GSPT1: variants seen among roughly 807,000 people sequenced by gnomAD.
GSPT1 encodes eukaryotic peptide chain release factor GTP-binding subunit ERF3A.
GSPT1 carries 20 observed loss-of-function variants against 72.5 expected under a neutral mutation model. The observed-to-expected ratio is 0.28, with a 90% CI of 0.19 to 0.40. GSPT1 has a LOEUF of 0.40. Among genes scored for constraint, GSPT1 ranks in the 10% least tolerant of loss-of-function variants. The probability of loss-of-function intolerance (pLI) is 1.00; values close to 1 mark genes in which losing one functional copy is unlikely to be tolerated. For missense variants in GSPT1, 580 were observed against 811.9 expected (o/e 0.71, Z 3.47); for synonymous variants, 334 against 293.5 (o/e 1.14, Z -1.41).
chr16:11,903,257 T>C (rs1295241491), intron 1 of GSPT1, among the ~76,000 whole-genome samples: 2 of 152,012 alleles, frequency 1.3e-5, no homozygotes, highest in Non-Finnish European at 2.9e-5. Flanking sequence ...ATGACTATAA[T>C]CCCAGCACTT....
intron 4 of GSPT1, chr16:11,895,291 C>T (rs944091529): frequency 1.8e-4 from 38 of 208,774 alleles, no homozygotes; most frequent in African/African-American, 8.5e-4. Context: ...ATTAGCTAGG[C>T]GTGGTGGCGG....
chr16:11,876,245 C>T, intron 12 of GSPT1, 70 bp from the exon 13 acceptor site: 2 of 941,426 alleles, frequency 2.1e-6, no homozygotes, highest in Non-Finnish European at 1.7e-6. Flanking sequence ...TCTCAAGCGC[C>T]ATATAAATCC....
intron 14 of GSPT1, among the ~76,000 whole-genome samples, chr16:11,875,027 A>T (rs576437719): frequency 3.3e-5 from 5 of 152,166 alleles, no homozygotes; most frequent in Middle Eastern, 3.4e-3. Flanking sequence ...CCGTCTCTAC[A>T]AAAATACAAA....
Position 11,877,059 on chromosome 16 carries a change from G to A in GSPT1, c.1602+348C>T, listed in dbSNP as rs917904018. The stretch of plus-strand genomic sequence containing the variant: ...GGAAACCTGTGTGATTTCTTGTCTG[G>A]AAAGCTATGTGCTGTCAATGAGCAC... On this transcript the variant is annotated intron_variant, in intron 12 of 14. Coordinates refer to ENST00000434724, the MANE Select transcript of GSPT1 (RefSeq NM_002094.4). This position sits in a 1 kb window ranked among gnomAD's most constrained non-coding sequence, Gnocchi z 4.0. Among the ~76,000 whole-genome samples the A allele has an allele frequency of 4.2e-4, 64 of 152,192 alleles. No homozygotes were observed. Among genetic ancestry groups the A allele is most frequent in the Non-Finnish European group, 9.0e-4 (61 of 68,040 alleles).
chr16:11,901,874 T>C (rs184406734), intron 1 of GSPT1, among the ~76,000 whole-genome samples: 1 of 151,622 alleles, frequency 6.6e-6, no homozygotes, highest in African/African-American at 2.4e-5. Flanking sequence ...GGCGGGCGGA[T>C]CACCTGAGGT....
At chr16:11,892,229 G>C (rs1376781163) in intron 5 of GSPT1, among the ~76,000 whole-genome samples, 1 of 151,768 alleles carries the variant, frequency 6.6e-6, no homozygotes, top group East Asian at 2.0e-4. Flanking sequence ...TGTATTCCTA[G>C]CTACTTGGGA....
chr16:11,903,218 A>C (rs894137890), intron 1 of GSPT1, among the ~76,000 whole-genome samples: 1 of 152,040 alleles, frequency 6.6e-6, no homozygotes, highest in African/African-American at 2.4e-5. Context: ...TTAACTATCA[A>C]TCCAGTTTCA....
intron 11 of GSPT1, among the ~76,000 whole-genome samples, chr16:11,879,050 T>A (rs1386881139): frequency 6.7e-6 from 1 of 149,848 alleles, no homozygotes; most frequent in Non-Finnish European, 1.5e-5. Context: ...TACTCCAGCC[T>A]GGGCAATAAG....
Position 11,915,748 on chromosome 16 carries a change from CAGAG to C in GSPT1, c.-32_-29del. The C allele has an allele frequency of 1.3e-6, 2 of 1,544,876 alleles. No individual in the cohort carries two copies. The highest frequency in any genetic ancestry group is 1.7e-6 in the Non-Finnish European group (2 of 1,152,054). ...TCGGGGGGGCCGTGTGTGTGGTGGACAGAGAGCGGGAAATGGAGGCAGGGGCGCC... is the reference window on the plus strand; with the variant it reads ...TCGGGGGGGCCGTGTGTGTGGTGGACAGCGGGAAATGGAGGCAGGGGCGCC... On this transcript the variant is annotated 5_prime_UTR_variant, in exon 1 of 15. Coordinates refer to ENST00000434724, the MANE Select transcript of GSPT1 (RefSeq NM_002094.4).
chr16:11,891,033 T>A (rs2054252035), intron 6 of GSPT1, 29 bp downstream of exon 6: 1 of 997,966 alleles, frequency 1.0e-6, no homozygotes, highest in East Asian at 2.6e-5. Context: ...TTAAAAGTAA[T>A]TTATAAGTGT....
chr16:11,894,634 T>A (rs180979021), intron 5 of GSPT1, among the ~76,000 whole-genome samples: 8 of 152,246 alleles, frequency 5.3e-5, no homozygotes, highest in Non-Finnish European at 1.2e-4. Context: ...AATAATCACA[T>A]TACAAAAACT....
chr16:11,887,083 A>T (rs1252606580), intron 7 of GSPT1, 152 bp from the exon 8 acceptor site: 6 of 587,364 alleles, frequency 1.0e-5, no homozygotes, highest in Non-Finnish European at 1.5e-5. Flanking sequence ...CTGCTTTTGA[A>T]TGTCACAAAT....
intron 1 of GSPT1, among the ~76,000 whole-genome samples, chr16:11,898,441 CTTTTTTTTTTTT>C (rs5815660): frequency 9.3e-6 from 1 of 107,074 alleles, no homozygotes; most frequent in Non-Finnish European, 1.9e-5. Flanking sequence ...GTGATTAGCC[CTTTTTTTTTTTT>C]TTTTTTTTTG....
intron 1 of GSPT1, chr16:11,908,869 G>A (rs2054523023): frequency 6.6e-6 from 1 of 152,204 alleles, no homozygotes; most frequent in Non-Finnish European, 1.5e-5. Context: ...AGAATCGCTT[G>A]AACCCGGGAG....
At chr16:11,887,458 C>T in intron 7 of GSPT1, 112 bp downstream of exon 7, 2 of 820,462 alleles carry the variant, frequency 2.4e-6, no homozygotes, top group Non-Finnish European at 4.0e-6. Flanking sequence ...CCGTGTACAT[C>T]ATTATATTTC....
chr16:11,907,391 T>G (rs1048656969), intron 1 of GSPT1, among the ~76,000 whole-genome samples: 1 of 152,240 alleles, frequency 6.6e-6, no homozygotes, highest in African/African-American at 2.4e-5. Context: ...TTTTCTCATC[T>G]GTAAAATGGG....
rs2054152898 is a variant in GSPT1, at chr16:11,883,684, G to A, written c.1348-589C>T. Among the ~76,000 whole-genome samples the A allele has an allele frequency of 2.0e-5, 3 of 151,792 alleles. No homozygotes were observed. In the South Asian group the frequency reaches 6.2e-4, roughly 32 times the overall value. ...AATCCCAGCACTTTGGGAGGCCGAAGCGGGTGGATCACAAGATCAGGAAAT... is the reference window on the plus strand; with the variant it reads ...AATCCCAGCACTTTGGGAGGCCGAAACGGGTGGATCACAAGATCAGGAAAT... On this transcript the variant is annotated intron_variant, in intron 10 of 14. Transcript: ENST00000434724.
rs57226427 is a variant in GSPT1 at position 11,894,155 on chromosome 16, C to CAAAAAAAAAA, written c.698+789_698+798dup. ...TTGGTGACAGAATGAGACCCTATCT[C>CAAAAAAAAAA]AAAAAAAAAAAAAAAAAAAAAAAAA... On this transcript the variant is annotated intron_variant, in intron 5 of 14. Transcript: ENST00000434724. Among the ~76,000 whole-genome samples the CAAAAAAAAAA allele has an allele frequency of 9.8e-4, 42 of 42,672 alleles. 3 individuals carry two copies. Among genetic ancestry groups the CAAAAAAAAAA allele is most frequent in the African/African-American group, 3.6e-3 (41 of 11,332 alleles). The allele number at this position is 42,672 out of a possible 152,430, so 28.0% of individuals were successfully genotyped here.
chr16:11,888,097 G>A (rs1300241693), intron 6 of GSPT1, among the ~76,000 whole-genome samples: 2 of 152,186 alleles, frequency 1.3e-5, no homozygotes, highest in Admixed American at 6.5e-5. Context: ...GGAGGTTGCA[G>A]CGAGCCAAGA....
Sources: gnomAD v4.1 joint callset for allele counts (sites outside exome capture counted in the v4.1 genomes callset) on GRCh38, gnomAD v4.1.1 for gene constraint, Gnocchi (gnomAD v3.1) non-coding constraint, MANE v1.5 for transcripts, NCBI Gene and HGNC (gene_info 2026-07-23, HGNC 2026-07-21) for gene names.